PDE1C: variants seen among roughly 807,000 people sequenced by gnomAD.
PDE1C encodes the protein dual specificity calcium/calmodulin-dependent 3',5'-cyclic nucleotide phosphodiesterase 1C.
A neutral mutation model predicts 93.1 loss-of-function variants in PDE1C; 62 were observed. That is an observed-to-expected ratio of 0.67 (90% confidence interval 0.54 to 0.82). PDE1C has a LOEUF of 0.82. Among genes scored for constraint, PDE1C ranks in the 40% least tolerant of loss-of-function variants. The pLI is 0.00. For synonymous variants in PDE1C, 325 were observed against 310.1 expected (o/e 1.05, Z -0.50); for missense variants, 742 against 884.6 (o/e 0.84, Z 2.04).
intron 2 of PDE1C, among the ~76,000 whole-genome samples, chr7:31,881,738 T>A (rs1361444135): frequency 6.6e-6 from 1 of 152,212 alleles, no homozygotes; most frequent in Non-Finnish European, 1.5e-5. Context: ...GTAAGTTATG[T>A]AACATCTTTG....
chr7:31,811,130 T>G (rs1373652769), intron 15 of PDE1C, among the ~76,000 whole-genome samples: 1 of 152,064 alleles, frequency 6.6e-6, no homozygotes, highest in Non-Finnish European at 1.5e-5. Flanking sequence ...TGGGGGCAGT[T>G]TCCCCCATAC....
intron 1 of PDE1C, among the ~76,000 whole-genome samples, chr7:32,409,215 G>A (rs996504759): frequency 6.6e-6 from 1 of 151,888 alleles, no homozygotes; most frequent in Non-Finnish European, 1.5e-5. Context: ...AAAAAATTAG[G>A]CTGGGCATGG....
chr7:32,140,731 A>G (rs1337495945), intron 3 of PDE1C, among the ~76,000 whole-genome samples: 1 of 152,124 alleles, frequency 6.6e-6, no homozygotes, highest in Non-Finnish European at 1.5e-5. Flanking sequence ...CACTTCCCTT[A>G]CCAGCCAGCA....
chr7:32,103,090 A>G (rs1798116019), intron 3 of PDE1C, among the ~76,000 whole-genome samples: 1 of 152,192 alleles, frequency 6.6e-6, no homozygotes, highest in Non-Finnish European at 1.5e-5. Context: ...CAGTTAAATA[A>G]CATCAATTAA....
chr7:31,654,802 A>G, the PDE1C span, among the ~76,000 whole-genome samples: 1 of 152,276 alleles, frequency 6.6e-6, no homozygotes, highest in East Asian at 1.9e-4. Flanking sequence ...AGGAGAGGTC[A>G]CTTCTTAGCA....
At chr7:32,146,933 G>A (rs892312933) in intron 3 of PDE1C, among the ~76,000 whole-genome samples, 3 of 151,996 alleles carry the variant, frequency 2.0e-5, no homozygotes, top group African/African-American at 7.2e-5. Flanking sequence ...TGATAAAAAT[G>A]TCAAAAAATA....
At chr7:31,908,469 C>T (rs1439503667) in intron 2 of PDE1C, among the ~76,000 whole-genome samples, 3 of 152,138 alleles carry the variant, frequency 2.0e-5, no homozygotes, top group African/African-American at 7.2e-5. Flanking sequence ...CACTGCAGGG[C>T]GCATCCAGGT....
chr7:31,825,023 T>A lies in PDE1C; in HGVS notation c.1286-36A>T, dbSNP rs530892996. 3.0e-5 allele frequency: 49 copies of A among 1,611,960 alleles called. No individual in the cohort carries two copies. The East Asian group carries it at 7.2e-4, about 24-fold the overall frequency. On this transcript the variant is annotated intron_variant, in intron 12 of 17. Transcript: ENST00000396191. ...ACAGCAATGCTTCAGAGGAACCACATATTACCTTGGGCCTTTCCATACTTT... is the reference window on the plus strand; with the variant it reads ...ACAGCAATGCTTCAGAGGAACCACAAATTACCTTGGGCCTTTCCATACTTT...
At chr7:32,147,345 G>C (rs1800959262) in intron 3 of PDE1C, among the ~76,000 whole-genome samples, 1 of 138,914 alleles carries the variant, frequency 7.2e-6, no homozygotes, top group African/African-American at 2.8e-5. Context: ...GCTGTTTGTA[G>C]GTATGCTTTG....
At chr7:31,636,996 C>T in the PDE1C span, among the ~76,000 whole-genome samples, 2 of 150,036 alleles carry the variant, frequency 1.3e-5, no homozygotes, top group African/African-American at 4.9e-5. Context: ...TTTGGTTTTT[C>T]ATCCTTGCGA....
chr7:31,930,578 C>T (rs1231074866), intron 2 of PDE1C, among the ~76,000 whole-genome samples: 2 of 152,060 alleles, frequency 1.3e-5, no homozygotes, highest in Non-Finnish European at 2.9e-5. Context: ...TGGTGGCTCA[C>T]GCCTGTAATC....
At chr7:31,622,392 A>G in the PDE1C span, among the ~76,000 whole-genome samples, 3 of 152,160 alleles carry the variant, frequency 2.0e-5, no homozygotes, top group Non-Finnish European at 4.4e-5. Context: ...AAGAACAGAA[A>G]TCATAACAAA....
chr7:31,928,436 C>T (rs1803691675), intron 2 of PDE1C, among the ~76,000 whole-genome samples: 2 of 152,096 alleles, frequency 1.3e-5, no homozygotes, highest in South Asian at 4.1e-4. Context: ...CAGAGAACAC[C>T]ACTAAGATAC....
chr7:31,803,878 A>G (rs1786427641), intron 16 of PDE1C, among the ~76,000 whole-genome samples: 1 of 151,982 alleles, frequency 6.6e-6, no homozygotes, highest in South Asian at 2.1e-4. Context: ...GTGTCTTTAT[A>G]GCAGCATGAT....
chr7:32,043,206 C>T (rs1199656151), intron 2 of PDE1C, among the ~76,000 whole-genome samples: 1 of 152,162 alleles, frequency 6.6e-6, no homozygotes, highest in Non-Finnish European at 1.5e-5. Context: ...AAATGCTCAC[C>T]TACTCCATTG....
At chr7:31,925,713 C>G (rs1242664370) in intron 2 of PDE1C, among the ~76,000 whole-genome samples, 3 of 152,068 alleles carry the variant, frequency 2.0e-5, no homozygotes, top group African/African-American at 7.2e-5. Context: ...AATAAAATGT[C>G]TAAGTCATGA....
chr7:31,683,901 A>G, the PDE1C span, among the ~76,000 whole-genome samples: 4 of 152,372 alleles, frequency 2.6e-5, no homozygotes, highest in South Asian at 8.3e-4. Flanking sequence ...AGTTACCATC[A>G]GGCATCCATC....
intron 2 of PDE1C, among the ~76,000 whole-genome samples, chr7:32,017,629 A>G (rs1014439405): frequency 7.2e-5 from 11 of 152,330 alleles, no homozygotes; most frequent in African/African-American, 2.6e-4. Flanking sequence ...TCTAGAATAC[A>G]TAAAGAACTC....
At chr7:31,750,981 T>C (rs1267752899), downstream of PDE1C, among the ~76,000 whole-genome samples, 5 of 152,228 alleles carry the variant, frequency 3.3e-5, no homozygotes, top group Admixed American at 2.0e-4. Context: ...TTATTTATAT[T>C]AACAAATTTA....
Sources: gnomAD v4.1 joint callset for allele counts (sites outside exome capture counted in the v4.1 genomes callset) on GRCh38, gnomAD v4.1.1 for gene constraint, MANE v1.5 for transcripts, NCBI Gene and HGNC (gene_info 2026-07-23, HGNC 2026-07-21) for gene names.